The following CFAP77 variants were observed in gnomAD, a reference collection of about 807,000 sequenced individuals.
CFAP77 encodes the protein cilia and flagella associated protein 77, also known as cilia- and flagella-associated protein 77.
CFAP77 carries 25 observed loss-of-function variants against 31.1 expected under a neutral mutation model. The ratio of observed to expected loss-of-function variants is 0.80; its 90% confidence interval spans 0.59 to 1.12. The LOEUF is 1.12. Ranked by LOEUF, CFAP77 falls within the 50% of genes most tolerant of loss-of-function variation. CFAP77 has a pLI of 0.00. For synonymous variants in CFAP77, 151 were observed against 159.9 expected, an observed-to-expected ratio of 0.94 and a Z score of 0.42; for missense variants, 377 against 397.3, an observed-to-expected ratio of 0.95 and a Z score of 0.44.
intron 3 of CFAP77, among the ~76,000 whole-genome samples, chr9:132,531,111 T>C (rs1852439079): frequency 6.6e-6 from 1 of 152,248 alleles, no homozygotes; most frequent in Non-Finnish European, 1.5e-5. Context: ...AACTCACATA[T>C]AGCCCAATTT....
At position 132,501,416 on chromosome 9, in the gene CFAP77, T is replaced by TC; in HGVS notation, c.524+1816_524+1817insC. ...ATGACTATCTTCTTTTTTTTTTTTT[T>TC]TGGACAGTGTCTCTGTCTGTCCCCC... On this transcript the variant is annotated intron_variant, in intron 3 of 5. Coordinates refer to ENST00000393216, the MANE Select transcript of CFAP77 (RefSeq NM_001282957.2). The surrounding 1 kb of genome is among the most constrained non-coding windows in gnomAD (Gnocchi z 4.6). Among the ~76,000 whole-genome samples, 1 of 151,964 alleles carries TC rather than the reference T, an allele frequency of 6.6e-6. No homozygotes were observed. Among genetic ancestry groups the TC allele is most frequent in the Middle Eastern group, 3.4e-3 (1 of 294 alleles).
intron 5 of CFAP77, among the ~76,000 whole-genome samples, chr9:132,570,885 A>G (rs960691729): frequency 6.6e-6 from 1 of 152,064 alleles, no homozygotes; most frequent in Non-Finnish European, 1.5e-5. Context: ...CCAATTCCCT[A>G]TGGGGGCAGC....
chr9:132,459,486 T>C (rs926889786), intron 1 of CFAP77, among the ~76,000 whole-genome samples: 2 of 151,386 alleles, frequency 1.3e-5, no homozygotes, highest in African/African-American at 4.9e-5. Context: ...TATTTGTGTG[T>C]ATATATGTGT....
At chr9:132,510,232 G>A (rs1257520279) in intron 3 of CFAP77, among the ~76,000 whole-genome samples, 1 of 152,344 alleles carries the variant, frequency 6.6e-6, no homozygotes, top group South Asian at 2.1e-4. Flanking sequence ...GAGCCTCCCA[G>A]GTTGCATCGC....
chr9:132,448,644 T>C (rs1850768226), intron 1 of CFAP77, among the ~76,000 whole-genome samples: 1 of 152,172 alleles, frequency 6.6e-6, no homozygotes, highest in African/African-American at 2.4e-5. Flanking sequence ...TGGAGTGCAA[T>C]GGTGCAATCT....
chr9:132,524,148 G>C (rs940956224), intron 3 of CFAP77, among the ~76,000 whole-genome samples: 3 of 151,740 alleles, frequency 2.0e-5, no homozygotes, highest in Non-Finnish European at 2.9e-5. Context: ...ATTTTACTTA[G>C]TATTCTTTGA....
At chr9:132,444,469 A>G (rs188441123) in intron 1 of CFAP77, among the ~76,000 whole-genome samples, 2 of 152,196 alleles carry the variant, frequency 1.3e-5, no homozygotes, top group East Asian at 3.9e-4. Flanking sequence ...CAGCACATTC[A>G]TGCCATGGTT....
intron 1 of CFAP77, among the ~76,000 whole-genome samples, chr9:132,493,253 C>T (rs1285692078): frequency 6.6e-6 from 1 of 152,172 alleles, no homozygotes; most frequent in Non-Finnish European, 1.5e-5. Context: ...CTGGGAAGTT[C>T]CACTTCATCC....
At chr9:132,411,490 C>T (rs1412436003) in intron 1 of CFAP77, among the ~76,000 whole-genome samples, 2 of 152,166 alleles carry the variant, frequency 1.3e-5, no homozygotes, top group Non-Finnish European at 2.9e-5. Context: ...AAACTCGGTC[C>T]TGAGAGGAGG....
intron 1 of CFAP77, among the ~76,000 whole-genome samples, chr9:132,425,969 G>A (rs951357098): frequency 2.6e-5 from 4 of 152,158 alleles, no homozygotes; most frequent in Non-Finnish European, 5.9e-5. Context: ...ATTGGAAACC[G>A]GGTCATTATA....
chr9:132,526,468 G>A lies in CFAP77; in HGVS notation c.525-11133G>A, dbSNP rs535504057. 5.3e-5 allele frequency among the ~76,000 whole-genome samples: 8 copies of A among 151,950 alleles called. No individual in the cohort carries two copies. The South Asian group carries it at 1.5e-3, about 28-fold the overall frequency. On this transcript the variant is annotated intron_variant, in intron 3 of 5. Transcript: ENST00000393216. Reference sequence around the variant, plus strand: ...AGGATGGTCTCGATCTCCTGACTTCGTGATCCGTCCGCCTCGGCCTCCCAA... The same window carrying A: ...AGGATGGTCTCGATCTCCTGACTTCATGATCCGTCCGCCTCGGCCTCCCAA...
At chr9:132,458,755 A>T (rs1850974793) in intron 1 of CFAP77, among the ~76,000 whole-genome samples, 1 of 152,254 alleles carries the variant, frequency 6.6e-6, no homozygotes, top group Non-Finnish European at 1.5e-5. Context: ...AGATGTAGCC[A>T]GGCAAGCTGG....
rs143408700 is a variant in CFAP77, at chr9:132,476,733, T to G, written c.196-21962T>G. Among the ~76,000 whole-genome samples the G allele has an allele frequency of 5.3e-5, 8 of 151,886 alleles. No individual in the cohort carries two copies. The East Asian group carries it at 1.4e-3, about 26-fold the overall frequency. On this transcript the variant is annotated intron_variant, in intron 1 of 5. Transcript: ENST00000393216. ...GCCATGTGGAAACAGAGGCAGAGATTGGAGTGATACAGCCACAAGCCAAGG... is the reference window on the plus strand; with the variant it reads ...GCCATGTGGAAACAGAGGCAGAGATGGGAGTGATACAGCCACAAGCCAAGG...
chr9:132,512,479 G>A (rs1158622132), intron 3 of CFAP77, among the ~76,000 whole-genome samples: 3 of 152,140 alleles, frequency 2.0e-5, no homozygotes, highest in East Asian at 1.9e-4. Flanking sequence ...TCTAATCATC[G>A]AAGCATCTTA....
chr9:132,486,096 T>A (rs1446700663), intron 1 of CFAP77, among the ~76,000 whole-genome samples: 6 of 82,090 alleles, frequency 7.3e-5, no homozygotes, highest in Non-Finnish European at 1.1e-4. Context: ...ATATATTTTT[T>A]TTTTTTTTTT....
intron 1 of CFAP77, among the ~76,000 whole-genome samples, chr9:132,467,544 G>C (rs542546311): frequency 6.6e-6 from 1 of 152,224 alleles, no homozygotes; most frequent in Non-Finnish European, 1.5e-5. Context: ...TTTTAAGGCT[G>C]AGTAATATTC....
chr9:132,463,475 A>G (rs1851096412), intron 1 of CFAP77, among the ~76,000 whole-genome samples: 1 of 152,178 alleles, frequency 6.6e-6, no homozygotes, highest in Admixed American at 6.5e-5. Flanking sequence ...TGAAGTCGGA[A>G]GCTTGCTGTC....
chr9:132,532,321 C>T (rs1589911009), intron 3 of CFAP77, among the ~76,000 whole-genome samples: 1 of 152,214 alleles, frequency 6.6e-6, no homozygotes, highest in East Asian at 1.9e-4. Context: ...TTTAGCTCTG[C>T]AGCTGTCTCT....
At chr9:132,466,869 T>G (rs1851158939) in intron 1 of CFAP77, among the ~76,000 whole-genome samples, 1 of 152,200 alleles carries the variant, frequency 6.6e-6, no homozygotes, top group Non-Finnish European at 1.5e-5. Flanking sequence ...GAACAGCCTT[T>G]GTTTTCATTT....
Sources: gnomAD v4.1 joint callset for allele counts (sites outside exome capture counted in the v4.1 genomes callset) on GRCh38, gnomAD v4.1.1 for gene constraint, Gnocchi (gnomAD v3.1) non-coding constraint, MANE v1.5 for transcripts, NCBI Gene and HGNC (gene_info 2026-07-23, HGNC 2026-07-21) for gene names.